Variants in ARHGEF10L observed in about 807,000 individuals in gnomAD.
ARHGEF10L encodes the protein rho guanine nucleotide exchange factor 10-like protein.
Under a neutral mutation model 141.2 loss-of-function variants are expected in ARHGEF10L, and 69 were observed. That is an observed-to-expected ratio of 0.49 (90% confidence interval 0.40 to 0.60). The LOEUF (loss-of-function observed/expected upper bound fraction) is 0.60, where lower values mean the gene tolerates loss of function less well. Among genes scored for constraint, ARHGEF10L ranks in the 20% least tolerant of loss-of-function variants. ARHGEF10L has a pLI of 0.00. For missense variants in ARHGEF10L, 1,482 were observed against 1,734.3 expected (o/e 0.85, Z 2.58); for synonymous variants, 711 against 718.5 (o/e 0.99, Z 0.17).
rs749405843 is a variant in ARHGEF10L at position 17,634,501 on chromosome 1, C to G, written c.1731-47C>G. The G allele has an allele frequency of 2.5e-6, 4 of 1,614,176 alleles. No individual in the cohort carries two copies. The African/African-American group carries it at 5.3e-5, about 22-fold the overall frequency. On this transcript the variant is annotated intron_variant, in intron 16 of 28. Coordinates refer to ENST00000361221, the MANE Select transcript of ARHGEF10L (RefSeq NM_018125.4). ...GGGGTCACAGCCCCCAGATTAGCCA[C>G]TCCATTGTAATAACAATCTCCCTTT...
chr1:17,584,857 G>A (rs1284470623), intron 2 of ARHGEF10L, among the ~76,000 whole-genome samples: 1 of 140,986 alleles, frequency 7.1e-6, no homozygotes, highest in Non-Finnish European at 1.5e-5. Flanking sequence ...ACGTGTGCGT[G>A]CACACACACA....
intron 18 of ARHGEF10L, among the ~76,000 whole-genome samples, chr1:17,637,400 C>T (rs1360556647): frequency 6.6e-6 from 1 of 152,174 alleles, no homozygotes; most frequent in Admixed American, 6.5e-5. Context: ...CTGACTATGG[C>T]CTGGATCTCA....
chr1:17,655,936 C>T lies in ARHGEF10L; in HGVS notation c.2539C>T (p.Pro847Ser), dbSNP rs759839298. The T allele has an allele frequency of 3.2e-6, 5 of 1,558,834 alleles. No individual in the cohort carries two copies. The highest frequency in any genetic ancestry group is 3.8e-5 in the Admixed American group (2 of 52,378). The change falls in exon 24 of 29, where the codon CCC (proline) becomes TCC (serine). Residue 847 changes from proline (P) to serine (S), a missense_variant. Transcript: ENST00000361221. ...GGTGGAAATCTTTTCCTTGAACCGG[C>T]CCTCGCCCCGCACCGTCAAGTCCTT... The part of the protein sequence containing the change: ...GQVEIFSLNR[P>S]SPRTVKSFPL...
intron 21 of ARHGEF10L, among the ~76,000 whole-genome samples, chr1:17,641,980 T>TGA (rs1553215737): frequency 3.2e-4 from 44 of 138,760 alleles, no homozygotes; most frequent in African/African-American, 1.1e-3. Flanking sequence ...GACTCCGTCT[T>TGA]AAAAAAAAAG....
chr1:17,516,852 C>T, the ARHGEF10L span, among the ~76,000 whole-genome samples: 3 of 152,192 alleles, frequency 2.0e-5, no homozygotes, highest in African/African-American at 7.2e-5. Flanking sequence ...ACCTTCCCTC[C>T]TCTTCTCTTA....
Position 17,644,978 on chromosome 1 carries a change from G to GT in ARHGEF10L, c.2273-3574dup, listed in dbSNP as rs2061512136. Reference sequence around the variant, plus strand: ...CACTTGGCTCCGTGTCACATAGTGAGTTGGAGACTGAGGTGGGATCTGCCC... The same window carrying GT: ...CACTTGGCTCCGTGTCACATAGTGAGTTTGGAGACTGAGGTGGGATCTGCCC... On this transcript the variant is annotated intron_variant, in intron 21 of 28. Coordinates refer to ENST00000361221, the MANE Select transcript of ARHGEF10L (RefSeq NM_018125.4). The surrounding 1 kb of genome is among the most constrained non-coding windows in gnomAD (Gnocchi z 4.5). 6.6e-6 allele frequency among the ~76,000 whole-genome samples: 1 copy of GT among 152,152 alleles called. No homozygotes were observed. The highest frequency in any genetic ancestry group is 6.5e-5 in the Admixed American group (1 of 15,274).
intron 1 of ARHGEF10L, among the ~76,000 whole-genome samples, chr1:17,557,861 A>T (rs1277844698): frequency 1.3e-5 from 2 of 152,188 alleles, no homozygotes; most frequent in Admixed American, 6.5e-5. Context: ...TAGCAAGGAA[A>T]TGGTTGGGTC....
chr1:17,541,785 T>C (rs2076737414), intron 1 of ARHGEF10L, among the ~76,000 whole-genome samples: 1 of 150,992 alleles, frequency 6.6e-6, no homozygotes, highest in Admixed American at 6.6e-5. Flanking sequence ...CTGGCCAACA[T>C]GGTGAAACCC....
chr1:17,628,811 T>C (rs2060520156), intron 15 of ARHGEF10L, among the ~76,000 whole-genome samples: 1 of 152,166 alleles, frequency 6.6e-6, no homozygotes, highest in Non-Finnish European at 1.5e-5. Context: ...CCTTTCCATG[T>C]GTGCTGCACT....
chr1:17,625,941 C>T lies in ARHGEF10L; in HGVS notation c.1318-15C>T, dbSNP rs373109860. 3.1e-6 allele frequency: 5 copies of T among 1,612,792 alleles called. No homozygotes were observed. In the African/African-American group the frequency reaches 4.0e-5, roughly 13 times the overall value. On this transcript the variant is annotated splice_polypyrimidine_tract_variant and intron_variant, in intron 13 of 28. Coordinates refer to ENST00000361221, the MANE Select transcript of ARHGEF10L (RefSeq NM_018125.4). The surrounding 1 kb of genome is among the most constrained non-coding windows in gnomAD (Gnocchi z 4.5). ...TGCAGGGGGTCAGCGAATGACGGAA[C>T]CTTGTCTCCACCAGCGACGGCAGGT...
At chr1:17,677,349 GTC>G (rs1416301770) in intron 26 of ARHGEF10L, among the ~76,000 whole-genome samples, 2 of 152,000 alleles carry the variant, frequency 1.3e-5, no homozygotes, top group East Asian at 3.8e-4. Flanking sequence ...CTGTCTGTCT[GTC>G]TCTCTTTCAG....
intron 4 of ARHGEF10L, 115 bp from the exon 5 acceptor site, chr1:17,602,012 A>G: frequency 1.1e-6 from 1 of 907,818 alleles, no homozygotes; most frequent in Non-Finnish European, 1.6e-6. Flanking sequence ...TCTCCCCAGC[A>G]GCCTGGCCCT....
In ARHGEF10L at chr1:17,595,029, T is replaced by G. The variant is rs563016955; in HGVS notation, c.257+6550T>G. ...CATCCCTCCTCCCTACCTCCTCCTC[T>G]CTCTTCCTTTTTAAAAAAAATACAG... On this transcript the variant is annotated intron_variant, in intron 4 of 28. Coordinates refer to ENST00000361221, the MANE Select transcript of ARHGEF10L (RefSeq NM_018125.4). Among the ~76,000 whole-genome samples the G allele has an allele frequency of 2.0e-5, 3 of 152,156 alleles. No individual in the cohort carries two copies. In the South Asian group the frequency reaches 6.2e-4, roughly 32 times the overall value.
Position 17,653,570 on chromosome 1 carries a change from G to A in ARHGEF10L, c.2395-1066G>A, listed in dbSNP as rs573448787. Among the ~76,000 whole-genome samples the A allele has an allele frequency of 2.0e-5, 3 of 152,246 alleles. No individual in the cohort carries two copies. The South Asian group carries it at 6.2e-4, about 31-fold the overall frequency. On this transcript the variant is annotated intron_variant, in intron 22 of 28. Coordinates refer to ENST00000361221, the MANE Select transcript of ARHGEF10L (RefSeq NM_018125.4). ...CTAGATGCTGCCACCAGGAAGCAGA[G>A]AAGACAGGGAGCCCAGAGGCCGGGC...
chr1:17,585,026 T>A (rs994994730), intron 2 of ARHGEF10L, among the ~76,000 whole-genome samples: 1 of 152,244 alleles, frequency 6.6e-6, no homozygotes, highest in African/African-American at 2.4e-5. Flanking sequence ...TTTGGTATTA[T>A]AATATCAAAA....
In ARHGEF10L at chr1:17,627,999, C is replaced by T. The variant is rs1482494092; in HGVS notation, c.1584+496C>T. On this transcript the variant is annotated intron_variant, in intron 15 of 28. Transcript: ENST00000361221. The surrounding 1 kb of genome is among the most constrained non-coding windows in gnomAD (Gnocchi z 4.0). ...CAAGAAGAAAGATGAAAAGTCCATG[C>T]CATGTTTTGGGGTTGCCGCTTAGGA... Among the ~76,000 whole-genome samples the T allele has an allele frequency of 6.6e-6, 1 of 151,892 alleles. No individual in the cohort carries two copies. Among genetic ancestry groups the T allele is most frequent in the Non-Finnish European group, 1.5e-5 (1 of 67,998 alleles).
intron 1 of ARHGEF10L, among the ~76,000 whole-genome samples, chr1:17,569,512 AG>A (rs746709455): frequency 1.3e-5 from 2 of 152,280 alleles, no homozygotes; most frequent in East Asian, 3.9e-4. Flanking sequence ...AGCTTTGCAA[AG>A]GCTGTTTCTT....
At chr1:17,691,943 A>G (rs75116147) in intron 27 of ARHGEF10L, among the ~76,000 whole-genome samples, 1 of 152,196 alleles carries the variant, frequency 6.6e-6, no homozygotes, top group Non-Finnish European at 1.5e-5. Flanking sequence ...ATGAGCACAC[A>G]GATAAGTCAC....
intron 2 of ARHGEF10L, among the ~76,000 whole-genome samples, chr1:17,585,196 G>T (rs945232889): frequency 3.9e-5 from 6 of 152,200 alleles, no homozygotes; most frequent in Admixed American, 1.3e-4. Context: ...GAAAACCACA[G>T]ATCCAGCTCC....
Sources: gnomAD v4.1 joint callset for allele counts (sites outside exome capture counted in the v4.1 genomes callset) on GRCh38, gnomAD v4.1.1 for gene constraint, Gnocchi (gnomAD v3.1) non-coding constraint, MANE v1.5 for transcripts, NCBI Gene and HGNC (gene_info 2026-07-23, HGNC 2026-07-21) for gene names.